The following ZNF678 variants were observed in gnomAD, a reference collection of about 807,000 sequenced individuals.
The protein encoded by ZNF678 is hypothetical protein MGC42493.
ZNF678 carries 5 observed loss-of-function variants against 3.0 expected under a neutral mutation model. That is an observed-to-expected ratio of 1.69 (90% CI 0.88 to 3.56). The LOEUF is 3.56. ZNF678 is among the 30% of genes most tolerant of loss of function. The pLI is 0.00. For synonymous variants in ZNF678, 218 were observed against 199.6 expected, an observed-to-expected ratio of 1.09 and a Z score of -0.78; for missense variants, 593 against 605.0, an observed-to-expected ratio of 0.98 and a Z score of 0.21.
chr1:227,647,937 C>CA (rs1205140504), intron 2 of ZNF678, among the ~76,000 whole-genome samples: 3 of 152,170 alleles, frequency 2.0e-5, no homozygotes, highest in Non-Finnish European at 4.4e-5. Flanking sequence ...AGGAACACCA[C>CA]AAACATGTTG....
chr1:227,654,838 A>T lies in ZNF678; in HGVS notation c.588A>T (p.Leu196=), dbSNP rs772588904. Residue 196 remains leucine, a synonymous_variant, in exon 4 of 4, where the codon CTA becomes CTT. Coordinates refer to ENST00000343776, the MANE Select transcript of ZNF678 (RefSeq NM_001367909.1). ...CDKVFNWWSQ[L]TSHKKIHSGE... ...AAGTTTTTAATTGGTGGTCACAACT[A>T]ACTAGCCATAAGAAAATTCATAGTG... The T allele has an allele frequency of 6.2e-7, 1 of 1,607,282 alleles. No individual in the cohort carries two copies.
chr1:227,620,121 T>C (rs1274728121), intron 1 of ZNF678, among the ~76,000 whole-genome samples: 3 of 152,210 alleles, frequency 2.0e-5, no homozygotes, highest in African/African-American at 7.2e-5. Flanking sequence ...ATTAAATTCC[T>C]GAGCTTCTCA....
intron 1 of ZNF678, among the ~76,000 whole-genome samples, chr1:227,612,956 A>T (rs190390927): frequency 6.6e-6 from 1 of 152,228 alleles, no homozygotes; most frequent in Non-Finnish European, 1.5e-5. Context: ...GGGAACCTCC[A>T]TGTTACTCAG....
chr1:227,585,972 G>T (rs1362613795), intron 1 of ZNF678, among the ~76,000 whole-genome samples: 2 of 152,126 alleles, frequency 1.3e-5, no homozygotes, highest in East Asian at 1.9e-4. Flanking sequence ...GGAGGGAGGA[G>T]AATTTGATTT....
chr1:227,564,848 C>G (rs1370443513), intron 1 of ZNF678, among the ~76,000 whole-genome samples: 1 of 151,974 alleles, frequency 6.6e-6, no homozygotes, highest in Non-Finnish European at 1.5e-5. Context: ...TCTCCTGCCT[C>G]AGCCTCCTGA....
intron 1 of ZNF678, among the ~76,000 whole-genome samples, chr1:227,629,912 A>G (rs1448414036): frequency 6.6e-6 from 1 of 151,526 alleles, no homozygotes; most frequent in Non-Finnish European, 1.5e-5. Context: ...ACCAAAGTCC[A>G]CTTGCCTGAG....
At chr1:227,636,919 A>G (rs1417528192) in intron 1 of ZNF678, among the ~76,000 whole-genome samples, 2 of 152,244 alleles carry the variant, frequency 1.3e-5, no homozygotes, top group Non-Finnish European at 2.9e-5. Flanking sequence ...TGTGGAACGC[A>G]TAACGAGAAT....
intron 1 of ZNF678, among the ~76,000 whole-genome samples, chr1:227,635,809 A>G (rs1658664139): frequency 6.6e-6 from 1 of 152,100 alleles, no homozygotes; most frequent in Non-Finnish European, 1.5e-5. Context: ...TGGTGCAGGT[A>G]GCCTTGCACC....
At chr1:227,629,407 G>A (rs1204788208) in intron 1 of ZNF678, among the ~76,000 whole-genome samples, 3 of 152,248 alleles carry the variant, frequency 2.0e-5, no homozygotes, top group Non-Finnish European at 4.4e-5. Context: ...TAACAAAGGA[G>A]TGGGCCTTTC....
chr1:227,667,819 T>C (rs1161266466), intron 5 of ZNF678, among the ~76,000 whole-genome samples: 2 of 152,220 alleles, frequency 1.3e-5, no homozygotes, highest in African/African-American at 4.8e-5. Context: ...GAGAATTTTA[T>C]GTCTTCAATA....
Position 227,659,215 on chromosome 1 carries a change from A to G in ZNF678, c.*3387A>G, listed in dbSNP as rs1659334525. ...GAATAATCTTTTCTTCCCCATTGAT[A>G]CTGGAATCTTGGGAAGTTTCTTACT... On this transcript the variant is annotated 3_prime_UTR_variant, in exon 4 of 4. Coordinates refer to ENST00000343776, the MANE Select transcript of ZNF678 (RefSeq NM_001367909.1). 1 of 152,108 alleles carries G rather than the reference A, an allele frequency of 6.6e-6. No individual in the cohort carries two copies. Among genetic ancestry groups the G allele is most frequent in the African/African-American group, 2.4e-5 (1 of 41,426 alleles). The allele number at this position is 152,108 out of a possible 1,614,324, so 9.4% of individuals were successfully genotyped here.
intron 2 of ZNF678, among the ~76,000 whole-genome samples, chr1:227,646,920 G>A (rs1467002646): frequency 6.6e-6 from 1 of 152,180 alleles, no homozygotes; most frequent in Non-Finnish European, 1.5e-5. Context: ...AGTGGCATAA[G>A]ATATTGTTGC....
At position 227,650,945 on chromosome 1, in the gene ZNF678, G is replaced by T; in HGVS notation, c.-36-11G>T. 2.0e-6 allele frequency: 3 copies of T among 1,535,984 alleles called. No homozygotes were observed. The highest frequency in any genetic ancestry group is 1.3e-5 in the South Asian group (1 of 77,110). Reference sequence around the variant, plus strand: ...TTTTAAAAAATTTTCTTGCCTAATTGTTCTGTCTAGGACTTCCAGGACTAT... The same window carrying T: ...TTTTAAAAAATTTTCTTGCCTAATTTTTCTGTCTAGGACTTCCAGGACTAT... On this transcript the variant is annotated splice_polypyrimidine_tract_variant and intron_variant, in intron 2 of 3. Transcript: ENST00000343776.
At chr1:227,597,166 A>G (rs1657613706) in intron 1 of ZNF678, among the ~76,000 whole-genome samples, 4 of 152,242 alleles carry the variant, frequency 2.6e-5, no homozygotes, top group Non-Finnish European at 4.4e-5. Context: ...CTTATTGGAA[A>G]CAAAGGGGTG....
In ZNF678 at chr1:227,607,772, T is replaced by C. The variant is rs974730967; in HGVS notation, c.-163-38772T>C. On this transcript the variant is annotated intron_variant, in intron 1 of 3. Transcript: ENST00000343776. ...TAATATACATTTATTATATATTGTA[T>C]ATGTATTAATTTATAATATATGCTA... Among the ~76,000 whole-genome samples the C allele has an allele frequency of 1.5e-3, 218 of 146,336 alleles. 1 individual carries two copies. Among genetic ancestry groups the C allele is most frequent in the African/African-American group, 5.2e-3 (210 of 40,420 alleles).
At chr1:227,565,943 A>G (rs185793163) in intron 1 of ZNF678, among the ~76,000 whole-genome samples, 55 of 152,126 alleles carry the variant, frequency 3.6e-4, no homozygotes, top group Middle Eastern at 6.8e-3. Flanking sequence ...TTGTATTTTT[A>G]GTAGAGACGG....
At chr1:227,584,300 G>A (rs988306214) in intron 1 of ZNF678, among the ~76,000 whole-genome samples, 4 of 152,126 alleles carry the variant, frequency 2.6e-5, no homozygotes, top group African/African-American at 9.7e-5. Flanking sequence ...GCTTAAATAG[G>A]AAAATTAATG....
chr1:227,611,540 C>CTT (rs1324339668), intron 1 of ZNF678, among the ~76,000 whole-genome samples: 2 of 152,210 alleles, frequency 1.3e-5, no homozygotes, highest in Non-Finnish European at 2.9e-5. Flanking sequence ...ACTCACAAGA[C>CTT]ATTCACCTTC....
chr1:227,628,146 G>A (rs1296735543), intron 1 of ZNF678, among the ~76,000 whole-genome samples: 1 of 152,180 alleles, frequency 6.6e-6, no homozygotes, highest in Non-Finnish European at 1.5e-5. Context: ...CATTTTAACT[G>A]CTTCAGATGC....
Sources: gnomAD v4.1 joint callset for allele counts (sites outside exome capture counted in the v4.1 genomes callset) on GRCh38, gnomAD v4.1.1 for gene constraint, MANE v1.5 for transcripts, NCBI Gene and HGNC (gene_info 2026-07-23, HGNC 2026-07-21) for gene names.